The following CTNNA2 variants were observed in gnomAD, a reference collection of about 807,000 sequenced individuals.
The protein encoded by CTNNA2 is catenin alpha-2.
CTNNA2 carries 42 observed loss-of-function variants against 101.0 expected under a neutral mutation model. The observed-to-expected ratio is 0.42, with a 90% confidence interval of 0.32 to 0.54. The LOEUF is 0.54. Among genes scored for constraint, CTNNA2 ranks in the 20% least tolerant of loss-of-function variants. CTNNA2 has a pLI of 0.14. For missense variants in CTNNA2, 871 were observed against 1,223.1 expected (o/e 0.71, Z 4.29); for synonymous variants, 450 against 456.4 (o/e 0.99, Z 0.18).
chr2:79,478,788 C>T (rs1320103230), intron 4 of CTNNA2, among the ~76,000 whole-genome samples: 1 of 152,188 alleles, frequency 6.6e-6, no homozygotes, highest in African/African-American at 2.4e-5. Flanking sequence ...CAACATCTCC[C>T]TTACGATGCT....
intron 7 of CTNNA2, among the ~76,000 whole-genome samples, chr2:80,361,235 A>G (rs934345090): frequency 6.6e-6 from 1 of 152,148 alleles, no homozygotes; most frequent in African/African-American, 2.4e-5. Context: ...GTAAATCATA[A>G]GAATTATCTG....
intron 18 of CTNNA2, among the ~76,000 whole-genome samples, chr2:80,637,521 T>C (rs138766722): frequency 1.3e-5 from 2 of 151,790 alleles, no homozygotes; most frequent in African/African-American, 2.4e-5. Flanking sequence ...GAAGAGGTGA[T>C]CACAGGAACA....
At chr2:79,326,669 G>A (rs1036728078) in intron 3 of CTNNA2, among the ~76,000 whole-genome samples, 5 of 152,104 alleles carry the variant, frequency 3.3e-5, no homozygotes, top group African/African-American at 9.7e-5. Context: ...ATAGATCTCT[G>A]CAAAATGAAT....
At chr2:80,295,699 T>C (rs966725614) in intron 7 of CTNNA2, among the ~76,000 whole-genome samples, 7 of 152,194 alleles carry the variant, frequency 4.6e-5, no homozygotes, top group Non-Finnish European at 1.0e-4. Flanking sequence ...AGTAAGATGA[T>C]TAACAGATGA....
At chr2:79,690,425 A>T (rs909789394) in intron 2 of CTNNA2, among the ~76,000 whole-genome samples, 6 of 152,018 alleles carry the variant, frequency 3.9e-5, no homozygotes, top group Non-Finnish European at 7.4e-5. Flanking sequence ...ATACGAAAGG[A>T]AATACTTCCA....
At chr2:79,715,781 T>G (rs1284199336) in intron 2 of CTNNA2, among the ~76,000 whole-genome samples, 2 of 152,270 alleles carry the variant, frequency 1.3e-5, no homozygotes, top group Non-Finnish European at 2.9e-5. Context: ...GACCCATTGC[T>G]AACCCACTGA....
intron 9 of CTNNA2, among the ~76,000 whole-genome samples, chr2:80,430,199 G>T (rs867033373): frequency 6.6e-6 from 1 of 152,026 alleles, no homozygotes; most frequent in Non-Finnish European, 1.5e-5. Flanking sequence ...TCCAATAGGT[G>T]AATTAAGTAC....
intron 7 of CTNNA2, among the ~76,000 whole-genome samples, chr2:80,344,754 G>A (rs1232407572): frequency 6.6e-6 from 1 of 152,178 alleles, no homozygotes; most frequent in Non-Finnish European, 1.5e-5. Flanking sequence ...CCAAAGTGCT[G>A]AGATTACAGG....
intron 7 of CTNNA2, among the ~76,000 whole-genome samples, chr2:80,389,197 C>T (rs778820898): frequency 2.0e-5 from 3 of 150,850 alleles, no homozygotes; most frequent in Non-Finnish European, 4.4e-5. Context: ...TTCCTAATTA[C>T]CCTGAATAGT....
chr2:79,224,961 T>C (rs1234176928), intron 2 of CTNNA2, among the ~76,000 whole-genome samples: 1 of 152,002 alleles, frequency 6.6e-6, no homozygotes, highest in East Asian at 1.9e-4. Flanking sequence ...GTATTTTTTT[T>C]CTTTCTTATT....
intron 7 of CTNNA2, among the ~76,000 whole-genome samples, chr2:79,930,301 A>C (rs1169408925): frequency 2.9e-5 from 1 of 34,578 alleles, no homozygotes; most frequent in Non-Finnish European, 5.4e-5. Flanking sequence ...AAAGAGAAAG[A>C]AAGAAAGAAA....
At chr2:79,557,551 G>A (rs965089323) in intron 1 of CTNNA2, among the ~76,000 whole-genome samples, 1 of 151,700 alleles carries the variant, frequency 6.6e-6, no homozygotes, top group African/African-American at 2.4e-5. Flanking sequence ...TTTCCATTCT[G>A]TTACCTAAAA....
intron 3 of CTNNA2, among the ~76,000 whole-genome samples, chr2:79,760,460 A>G (rs1265477513): frequency 6.6e-6 from 1 of 152,152 alleles, no homozygotes; most frequent in African/African-American, 2.4e-5. Context: ...TGGAAACTCA[A>G]GTAGGAGTTA....
chr2:80,610,513 C>CT (rs1323001944), intron 17 of CTNNA2, among the ~76,000 whole-genome samples: 1 of 151,520 alleles, frequency 6.6e-6, no homozygotes, highest in Non-Finnish European at 1.5e-5. Flanking sequence ...AATCTTCTTT[C>CT]TTTTTTCCCT....
rs1553412442 is a variant in CTNNA2 at position 80,623,048 on chromosome 2, T to TTAAA, written c.2574+3820_2574+3821insTAAA. Among the ~76,000 whole-genome samples the TTAAA allele has an allele frequency of 3.3e-5, 4 of 121,600 alleles. No homozygotes were observed. The Admixed American group carries it at 3.5e-4, about 11-fold the overall frequency. The allele number at this position is 121,600 out of a possible 152,430, so 79.8% of individuals were successfully genotyped here. A position where few individuals can be genotyped will look rare whatever the true frequency, so the allele number is the denominator to read the frequency against. On this transcript the variant is annotated intron_variant, in intron 18 of 18. Coordinates refer to ENST00000402739, the MANE Select transcript of CTNNA2 (RefSeq NM_001282597.3). Reference sequence around the variant, plus strand: ...AAGCAAGACTACTAGCGCTAGTTTCTAAAAAAAAAAAAAAAAAAAGTTCAA... The same window carrying TTAAA: ...AAGCAAGACTACTAGCGCTAGTTTCTTAAAAAAAAAAAAAAAAAAAAAAGTTCAA...
At chr2:80,385,771 G>A (rs1202224962) in intron 7 of CTNNA2, among the ~76,000 whole-genome samples, 1 of 151,376 alleles carries the variant, frequency 6.6e-6, no homozygotes, top group African/African-American at 2.4e-5. Flanking sequence ...TCTTCTTTTT[G>A]TGGGGTCTAT....
rs78272143 is a variant in CTNNA2 at position 79,923,054 on chromosome 2, G to A, written c.1056+13257G>A. 7.6e-3 allele frequency among the ~76,000 whole-genome samples: 1,162 copies of A among 152,182 alleles called. 86 individuals carry two copies. The East Asian group carries it at 0.18, about 24-fold the overall frequency. On this transcript the variant is annotated intron_variant, in intron 7 of 18. Transcript: ENST00000402739. ...AATCTGTAGGTATCTACAGATCCTA[G>A]CAGAACCCTGCCAGCACTCCAAATA...
At chr2:79,381,678 TTC>T (rs925030906) in intron 4 of CTNNA2, among the ~76,000 whole-genome samples, 117 of 152,288 alleles carry the variant, frequency 7.7e-4, no homozygotes, top group African/African-American at 2.7e-3. Context: ...TTCCAGAGGT[TTC>T]TCTTTGTTCA....
chr2:79,909,804 C>A lies in CTNNA2; in HGVS notation c.1056+7C>A, dbSNP rs371557435. On this transcript the variant is annotated splice_region_variant and intron_variant, in intron 7 of 18. Transcript: ENST00000402739. The stretch of plus-strand genomic sequence containing the variant: ...CAGCGAGTACATGAATAATGTAAGT[C>A]TTGGGATCTCCATTCTCATGTCTTG... 13 of 1,590,388 alleles carry A rather than the reference C, an allele frequency of 8.2e-6. No individual in the cohort carries two copies. In the African/African-American group the frequency reaches 1.6e-4, roughly 20 times the overall value.
Sources: allele counts gnomAD v4.1 joint callset (sites outside exome capture counted in the v4.1 genomes callset), GRCh38; gene constraint gnomAD v4.1.1; transcripts MANE v1.5; gene names NCBI Gene and HGNC (gene_info 2026-07-23, HGNC 2026-07-21).